MTMR7: variants seen among roughly 807,000 people sequenced by gnomAD.
MTMR7 encodes myotubularin related protein 7.
In MTMR7, 76 loss-of-function variants were observed where a neutral mutation model predicts 81.2. The ratio of observed to expected loss-of-function variants is 0.94; its 90% confidence interval spans 0.78 to 1.13. MTMR7 has a LOEUF of 1.13. Among genes scored for constraint, MTMR7 ranks in the 50% most tolerant of loss-of-function variants. MTMR7 has a pLI of 0.00. For synonymous variants in MTMR7, 372 were observed against 289.8 expected (o/e 1.28, Z -2.88); for missense variants, 1,044 against 820.0 (o/e 1.27, Z -3.34).
intron 1 of MTMR7, among the ~76,000 whole-genome samples, chr8:17,408,940 T>A (rs981660302): frequency 3.9e-5 from 6 of 152,190 alleles, no homozygotes; most frequent in Non-Finnish European, 8.8e-5. Flanking sequence ...CACTGAATTG[T>A]GCATTTTAAT....
At chr8:17,382,256 G>A (rs897385955) in intron 1 of MTMR7, among the ~76,000 whole-genome samples, 1 of 152,208 alleles carries the variant, frequency 6.6e-6, no homozygotes, top group Admixed American at 6.5e-5. Flanking sequence ...AAAGGACTGT[G>A]ATAAGCATCC....
chr8:17,377,932 T>C (rs13278345), intron 1 of MTMR7, among the ~76,000 whole-genome samples: 13,588 of 152,256 alleles, frequency 0.089, 873 homozygotes, highest in Non-Finnish European at 0.14. Flanking sequence ...AGAAACTTTA[T>C]TGAGATAATC....
At chr8:17,351,524 C>G (rs949869961) in intron 4 of MTMR7, among the ~76,000 whole-genome samples, 6 of 152,252 alleles carry the variant, frequency 3.9e-5, no homozygotes, top group Admixed American at 2.0e-4. Flanking sequence ...AGCTCTCACT[C>G]TGCAGAGTAG....
At chr8:17,384,237 C>T (rs1460927663) in intron 1 of MTMR7, among the ~76,000 whole-genome samples, 3 of 151,990 alleles carry the variant, frequency 2.0e-5, no homozygotes, top group Non-Finnish European at 2.9e-5. Context: ...AAGATGAGAT[C>T]CCCATCTCTA....
chr8:17,392,550 ACT>A (rs1421266499), intron 1 of MTMR7, among the ~76,000 whole-genome samples: 1 of 152,100 alleles, frequency 6.6e-6, no homozygotes, highest in Non-Finnish European at 1.5e-5. Flanking sequence ...TTCCAAAAAG[ACT>A]CTCTTTCAGG....
At chr8:17,351,097 A>T (rs921310623) in intron 4 of MTMR7, among the ~76,000 whole-genome samples, 1 of 152,240 alleles carries the variant, frequency 6.6e-6, no homozygotes, top group East Asian at 1.9e-4. Context: ...GAGGTTCAAG[A>T]GACATGTAGT....
chr8:17,389,433 G>T (rs1187703673), intron 1 of MTMR7, among the ~76,000 whole-genome samples: 1 of 152,180 alleles, frequency 6.6e-6, no homozygotes, highest in East Asian at 1.9e-4. Flanking sequence ...GAGACACACG[G>T]TCCTTGGCTT....
intron 1 of MTMR7, among the ~76,000 whole-genome samples, chr8:17,391,540 G>C (rs1821109015): frequency 1.3e-5 from 2 of 152,160 alleles, no homozygotes; most frequent in African/African-American, 2.4e-5. Context: ...GAATGTACAA[G>C]TGAAAGGATA....
intron 5 of MTMR7, among the ~76,000 whole-genome samples, chr8:17,345,340 G>T (rs1184615792): frequency 6.6e-6 from 1 of 152,216 alleles, no homozygotes; most frequent in East Asian, 1.9e-4. Flanking sequence ...GCCAGTCATG[G>T]AATGATGCAC....
chr8:17,374,981 C>T (rs1216379368), intron 1 of MTMR7, among the ~76,000 whole-genome samples: 2 of 152,106 alleles, frequency 1.3e-5, no homozygotes, highest in African/African-American at 2.4e-5. Flanking sequence ...CCCATCCACT[C>T]GGAAGGCTGC....
rs1228163546 is a variant in MTMR7, at chr8:17,335,769, T to G, written c.733-4487A>C. Among the ~76,000 whole-genome samples the G allele has an allele frequency of 2.6e-5, 4 of 152,244 alleles. 1 individual carries two copies. The highest frequency in any genetic ancestry group is 2.6e-4 in the Admixed American group (4 of 15,282). On this transcript the variant is annotated intron_variant, in intron 6 of 13. Transcript: ENST00000180173. ...AGTCAAAATCCTCCTTTCTACCCGCTAAGGACCTCTTGGGCAGATTTAATA... is the reference window on the plus strand; with the variant it reads ...AGTCAAAATCCTCCTTTCTACCCGCGAAGGACCTCTTGGGCAGATTTAATA...
intron 1 of MTMR7, among the ~76,000 whole-genome samples, chr8:17,394,609 G>A (rs1821195999): frequency 6.6e-6 from 1 of 152,124 alleles, no homozygotes; most frequent in Non-Finnish European, 1.5e-5. Flanking sequence ...ATTACATAGA[G>A]AGTAGTGATG....
chr8:17,301,344 AT>A (rs1440152143), intron 13 of MTMR7, among the ~76,000 whole-genome samples: 2 of 152,240 alleles, frequency 1.3e-5, no homozygotes, highest in Non-Finnish European at 2.9e-5. Context: ...AGGAAGGAAC[AT>A]TTTAACAGGA....
At chr8:17,334,213 T>C (rs1324071630) in intron 6 of MTMR7, among the ~76,000 whole-genome samples, 1 of 152,190 alleles carries the variant, frequency 6.6e-6, no homozygotes, top group African/African-American at 2.4e-5. Flanking sequence ...ACAGGACCTA[T>C]CCTGATAATG....
At chr8:17,366,498 G>A (rs921763179) in intron 3 of MTMR7, among the ~76,000 whole-genome samples, 1 of 152,148 alleles carries the variant, frequency 6.6e-6, no homozygotes, top group Non-Finnish European at 1.5e-5. Context: ...ACAGTCATCA[G>A]GACACAGAGA....
rs1479374584 is a variant in MTMR7 at position 17,349,014 on chromosome 8, C to A, written c.536G>T (p.Ser179Ile). Residue 179 changes from serine (S) to isoleucine (I), a missense_variant, in exon 5 of 14, where the codon AGT becomes ATT. Coordinates refer to ENST00000180173, the MANE Select transcript of MTMR7 (RefSeq NM_004686.5). ...TCGCCGTCTACTCCGGAATTTGGAA[C>A]TCCCCACTATGATGTGTGCCGTGGC... Reference protein sequence around the residue: ...KSATAHIIVGSSKFRSRRRFP... With the variant: ...KSATAHIIVGISKFRSRRRFP... 1.2e-6 allele frequency: 2 copies of A among 1,613,246 alleles called. No individual in the cohort carries two copies. Among genetic ancestry groups the A allele is most frequent in the Non-Finnish European group, 1.7e-6 (2 of 1,179,900 alleles).
intron 4 of MTMR7, among the ~76,000 whole-genome samples, chr8:17,357,314 T>G (rs1429153413): frequency 6.6e-6 from 1 of 152,244 alleles, no homozygotes; most frequent in Non-Finnish European, 1.5e-5. Flanking sequence ...TTTAGAACAG[T>G]ACCTGGCATG....
At chr8:17,317,978 T>C (rs775415047) in intron 7 of MTMR7, among the ~76,000 whole-genome samples, 3 of 152,172 alleles carry the variant, frequency 2.0e-5, no homozygotes, top group Non-Finnish European at 4.4e-5. Context: ...TTATATGTTG[T>C]GTTTAACTGG....
intron 5 of MTMR7, among the ~76,000 whole-genome samples, chr8:17,344,915 G>A (rs1159964107): frequency 6.6e-6 from 1 of 152,002 alleles, no homozygotes; most frequent in Non-Finnish European, 1.5e-5. Flanking sequence ...CTCGAAATGT[G>A]TACTGTAAAT....
Sources: gnomAD v4.1 joint callset for allele counts (sites outside exome capture counted in the v4.1 genomes callset) on GRCh38, gnomAD v4.1.1 for gene constraint, MANE v1.5 for transcripts, NCBI Gene and HGNC (gene_info 2026-07-23, HGNC 2026-07-21) for gene names.